The following RAB3C variants were observed in gnomAD, a reference collection of about 807,000 sequenced individuals.
The protein encoded by RAB3C is ras-related protein Rab-3C.
Under a neutral mutation model 26.4 loss-of-function variants are expected in RAB3C, and 17 were observed. The observed-to-expected ratio is 0.64, with a 90% CI of 0.44 to 0.97. RAB3C has a LOEUF of 0.97. RAB3C is among the 50% of genes least tolerant of loss of function. The probability of loss-of-function intolerance (pLI) is 0.00; values close to 1 mark genes in which losing one functional copy is unlikely to be tolerated. For missense variants in RAB3C, 242 were observed against 281.9 expected (o/e 0.86, Z 1.01); for synonymous variants, 91 against 95.9 (o/e 0.95, Z 0.30).
chr5:58,633,445 C>CTT (rs1353891603), intron 2 of RAB3C, among the ~76,000 whole-genome samples: 1 of 152,126 alleles, frequency 6.6e-6, no homozygotes, highest in Non-Finnish European at 1.5e-5. Context: ...TGCCGTAACT[C>CTT]TAACATAACT....
At chr5:58,594,651 A>C (rs932222388) in intron 1 of RAB3C, among the ~76,000 whole-genome samples, 2 of 152,094 alleles carry the variant, frequency 1.3e-5, no homozygotes. Context: ...GCTTGTTCCT[A>C]TACATGACCT....
At chr5:58,642,451 T>C (rs1747430569) in intron 2 of RAB3C, among the ~76,000 whole-genome samples, 3 of 152,226 alleles carry the variant, frequency 2.0e-5, no homozygotes, top group African/African-American at 7.2e-5. Flanking sequence ...TTAATGCAGT[T>C]ACTAAGTCTA....
intron 3 of RAB3C, among the ~76,000 whole-genome samples, chr5:58,810,360 G>C (rs1743040512): frequency 9.4e-6 from 1 of 106,576 alleles, no homozygotes; most frequent in Non-Finnish European, 2.1e-5. Context: ...AAAGTACTCT[G>C]TGTGCTCTCT....
intron 3 of RAB3C, among the ~76,000 whole-genome samples, chr5:58,730,961 A>C (rs895041372): frequency 6.6e-6 from 1 of 152,124 alleles, no homozygotes; most frequent in African/African-American, 2.4e-5. Context: ...CAGGCAAGAA[A>C]GCATGTTCAG....
At chr5:58,801,296 G>A (rs372804461) in intron 3 of RAB3C, among the ~76,000 whole-genome samples, 2 of 152,164 alleles carry the variant, frequency 1.3e-5, no homozygotes, top group African/African-American at 2.4e-5. Flanking sequence ...TGCATGAAAC[G>A]ATGAACGATG....
chr5:58,700,651 G>A (rs904733382), intron 2 of RAB3C, among the ~76,000 whole-genome samples: 1 of 152,156 alleles, frequency 6.6e-6, no homozygotes, highest in African/African-American at 2.4e-5. Context: ...TGTAGTTTAT[G>A]AACCACTTTG....
intron 2 of RAB3C, among the ~76,000 whole-genome samples, chr5:58,694,085 C>G (rs567126525): frequency 6.6e-6 from 1 of 152,084 alleles, no homozygotes; most frequent in Non-Finnish European, 1.5e-5. Flanking sequence ...CTCCCCCAGC[C>G]CCTCCACCCC....
intron 1 of RAB3C, among the ~76,000 whole-genome samples, chr5:58,607,505 G>A (rs1194356851): frequency 6.6e-6 from 1 of 152,120 alleles, no homozygotes; most frequent in Non-Finnish European, 1.5e-5. Context: ...TATTATCCAG[G>A]AGAACTTCCC....
At chr5:58,685,178 T>C (rs2111847737) in intron 2 of RAB3C, among the ~76,000 whole-genome samples, 1 of 152,294 alleles carries the variant, frequency 6.6e-6, no homozygotes, top group East Asian at 1.9e-4. Context: ...GTACTATCCA[T>C]GGTTTCAGGC....
intron 2 of RAB3C, among the ~76,000 whole-genome samples, chr5:58,647,407 A>G (rs142377190): frequency 6.6e-6 from 1 of 152,240 alleles, no homozygotes; most frequent in Non-Finnish European, 1.5e-5. Flanking sequence ...TTATAAAACC[A>G]TCAGATCTCG....
At chr5:58,773,731 G>T (rs574050849) in intron 3 of RAB3C, among the ~76,000 whole-genome samples, 1 of 152,096 alleles carries the variant, frequency 6.6e-6, no homozygotes, top group African/African-American at 2.4e-5. Flanking sequence ...AGATGAAGAC[G>T]CAGTGAACCA....
At chr5:58,799,363 A>C (rs563622247) in intron 3 of RAB3C, among the ~76,000 whole-genome samples, 2 of 151,774 alleles carry the variant, frequency 1.3e-5, no homozygotes, top group Non-Finnish European at 2.9e-5. Context: ...TTTTTTTTTT[A>C]ATGAAGAGTT....
At chr5:58,619,173 C>A (rs114539416) in intron 2 of RAB3C, among the ~76,000 whole-genome samples, 1 of 152,124 alleles carries the variant, frequency 6.6e-6, no homozygotes, top group South Asian at 2.1e-4. Context: ...CTTGTTCTAA[C>A]TCTAGAGTCT....
chr5:58,825,213 G>A (rs753302093), intron 4 of RAB3C, 51 bp downstream of exon 4: 4 of 1,561,214 alleles, frequency 2.6e-6, no homozygotes, highest in East Asian at 4.7e-5. Context: ...CTTATTATAT[G>A]TAACTCTGTA....
At chr5:58,739,109 G>A (rs1449011911) in intron 3 of RAB3C, among the ~76,000 whole-genome samples, 3 of 152,182 alleles carry the variant, frequency 2.0e-5, no homozygotes, top group Non-Finnish European at 4.4e-5. Context: ...AAAAATAACA[G>A]TTGCATTTGT....
chr5:58,687,527 GGTGGGGGA>G (rs1214613359), intron 2 of RAB3C, among the ~76,000 whole-genome samples: 2 of 152,086 alleles, frequency 1.3e-5, no homozygotes, highest in Non-Finnish European at 2.9e-5. Flanking sequence ...TAATTTGCTT[GGTGGGGGA>G]GTGGACATTT....
At chr5:58,610,437 G>C (rs1211702489) in intron 1 of RAB3C, among the ~76,000 whole-genome samples, 1 of 151,896 alleles carries the variant, frequency 6.6e-6, no homozygotes, top group African/African-American at 2.4e-5. Context: ...TCTAATTGTA[G>C]CTGTTATAAT....
chr5:58,598,744 A>G (rs1746383707), intron 1 of RAB3C, among the ~76,000 whole-genome samples: 1 of 152,086 alleles, frequency 6.6e-6, no homozygotes, highest in South Asian at 2.1e-4. Context: ...GTGGCATATC[A>G]TAACAATTGA....
At chr5:58,848,653 GT>G (rs1744053293) in intron 4 of RAB3C, 1 of 152,188 alleles carries the variant, frequency 6.6e-6, no homozygotes, top group Non-Finnish European at 1.5e-5. Flanking sequence ...ACAAATGTTA[GT>G]TTATTATTGC....
Sources: allele counts gnomAD v4.1 joint callset (sites outside exome capture counted in the v4.1 genomes callset), GRCh38; gene constraint gnomAD v4.1.1; transcripts MANE v1.5; gene names NCBI Gene and HGNC (gene_info 2026-07-23, HGNC 2026-07-21).